CD207: variants seen among roughly 807,000 people sequenced by gnomAD.
CD207 encodes the protein CD207 molecule, also known as C-type lectin domain family 4 member K.
Under a neutral mutation model 31.6 loss-of-function variants are expected in CD207, and 28 were observed. That is an observed-to-expected ratio of 0.89 (90% CI 0.66 to 1.21). The LOEUF (loss-of-function observed/expected upper bound fraction) is 1.21, where lower values mean the gene tolerates loss of function less well. Among genes scored for constraint, CD207 ranks in the 50% most tolerant of loss-of-function variants. The pLI is 0.00. For missense variants in CD207, 388 were observed against 397.8 expected, an observed-to-expected ratio of 0.98 and a Z score of 0.21; for synonymous variants, 168 against 153.9, an observed-to-expected ratio of 1.09 and a Z score of -0.68.
chr2:70,832,100 A>T, intron 4 of CD207, among the ~76,000 whole-genome samples: 1 of 152,362 alleles, frequency 6.6e-6, no homozygotes, highest in African/African-American at 2.4e-5. Context: ...ACTCCAGAGC[A>T]CGGACCGCAA....
chr2:70,832,749 G>C (rs782073024), intron 4 of CD207, 151 bp downstream of exon 4: 1 of 714,924 alleles, frequency 1.4e-6, no homozygotes, highest in African/African-American at 1.8e-5. Flanking sequence ...CCCCCTTGCC[G>C]GCCCTTATTC....
chr2:70,829,373 G>A (rs923403701), downstream of CD207, among the ~76,000 whole-genome samples: 6 of 152,238 alleles, frequency 3.9e-5, no homozygotes, highest in South Asian at 2.1e-4. Flanking sequence ...GGCCACATGG[G>A]GTCACCCTCA....
chr2:70,833,910 C>G lies in CD207; in HGVS notation c.301G>C (p.Gly101Arg), dbSNP rs368522644. 6.3e-7 allele frequency: 1 copy of G among 1,597,698 alleles called. No homozygotes were observed. The highest frequency in any genetic ancestry group is 1.1e-5 in the South Asian group (1 of 88,780). ...ATCTGAACGCCAGCTGCCTCCATGC[C>G]GTCACTATTCTTTTTAATTTCAGAA... ...LDSEIKKNSDGMEAAGVQIQM... is the reference protein window; with the variant it reads ...LDSEIKKNSDRMEAAGVQIQM... The change falls in exon 3 of 6, where the codon GGC (glycine) becomes CGC (arginine). Residue 101 changes from glycine (G) to arginine (R), a missense_variant. By Grantham distance (125) the Gly-to-Arg change is moderately radical. Transcript: ENST00000410009.
At chr2:70,835,392 C>A (rs969233044) in intron 2 of CD207, 99 bp downstream of exon 2, 4 of 812,552 alleles carry the variant, frequency 4.9e-6, no homozygotes, top group South Asian at 4.3e-5. Context: ...AAGCCACAGG[C>A]AGGAGAAACC....
intron 2 of CD207, among the ~76,000 whole-genome samples, chr2:70,835,215 G>T (rs1159768882): frequency 6.6e-6 from 1 of 152,216 alleles, no homozygotes; most frequent in Non-Finnish European, 1.5e-5. Context: ...TGTAAAACTA[G>T]ATCAATGTTT....
At chr2:70,834,909 G>A (rs1452219356) in intron 2 of CD207, among the ~76,000 whole-genome samples, 3 of 152,228 alleles carry the variant, frequency 2.0e-5, no homozygotes, top group Non-Finnish European at 2.9e-5. Flanking sequence ...AGAAAAGGAA[G>A]AAAGATAAAC....
At position 70,833,017 on chromosome 2, in the gene CD207, C is replaced by T; in HGVS notation, c.600G>A (p.Lys200=). Residue 200 remains lysine (K), a synonymous_variant, in exon 4 of 6, where the codon AAG becomes AAA. Coordinates refer to ENST00000410009, the MANE Select transcript of CD207 (RefSeq NM_015717.5). The stretch of plus-strand genomic sequence containing the variant: ...AGTAATAGAAGTTCCCCTTGAAGTA[C>T]TTCCAGCCTTGAGAAACCACCTGTA... ...DILQVVSQGW[K]YFKGNFYYFS... The T allele has an allele frequency of 6.2e-7, 1 of 1,613,932 alleles. No homozygotes were observed. Among genetic ancestry groups the T allele is most frequent in the Non-Finnish European group, 8.5e-7 (1 of 1,179,806 alleles).
At chr2:70,832,061 G>A (rs1408914355) in intron 4 of CD207, among the ~76,000 whole-genome samples, 1 of 152,212 alleles carries the variant, frequency 6.6e-6, no homozygotes, top group African/African-American at 2.4e-5. Context: ...CAGGAAGCAG[G>A]TGCTGAAGCA....
downstream of CD207, among the ~76,000 whole-genome samples, chr2:70,826,880 A>G (rs563019843): frequency 3.3e-5 from 5 of 152,354 alleles, no homozygotes; most frequent in African/African-American, 1.2e-4. Context: ...CAAATGTAAC[A>G]AATCATTTGT....
At position 70,831,051 on chromosome 2, in the gene CD207, C is replaced by G; in HGVS notation, c.986G>C (p.Ter329SerextTer29). 1 of 1,613,114 alleles carries G rather than the reference C, an allele frequency of 6.2e-7. No individual in the cohort carries two copies. Among genetic ancestry groups the G allele is most frequent in the Non-Finnish European group, 8.5e-7 (1 of 1,179,522 alleles). Residue 329 changes from the stop codon to serine, a stop_lost, in exon 6 of 6, where the codon TGA becomes TCA. Coordinates refer to ENST00000410009, the MANE Select transcript of CD207 (RefSeq NM_015717.5). ...CKRPYVPSEP* is the reference protein window; with the variant it reads ...CKRPYVPSEPS ...GAGTGAGCTTGGGAGCCTGTCCTGT[C>G]ACGGTTCTGATGGGACATAGGGTCG...
intron 4 of CD207, among the ~76,000 whole-genome samples, chr2:70,832,233 T>C (rs1311632467): frequency 6.6e-6 from 1 of 152,184 alleles, no homozygotes; most frequent in African/African-American, 2.4e-5. Flanking sequence ...CCATGCATGT[T>C]TCATCAAGTG....
downstream of CD207, among the ~76,000 whole-genome samples, chr2:70,826,904 C>T (rs1321379140): frequency 6.6e-6 from 1 of 152,196 alleles, no homozygotes; most frequent in Non-Finnish European, 1.5e-5. Context: ...GCTTCTTCAA[C>T]ACTAAGTAAA....
downstream of CD207, among the ~76,000 whole-genome samples, chr2:70,826,568 G>A (rs768534786): frequency 9.2e-5 from 14 of 152,028 alleles, no homozygotes; most frequent in Admixed American, 3.3e-4. Flanking sequence ...TTGTGGAGAC[G>A]GGGTCCCACT....
At chr2:70,824,350 A>C in the CD207 span, among the ~76,000 whole-genome samples, 3 of 152,002 alleles carry the variant, frequency 2.0e-5, no homozygotes, top group Non-Finnish European at 4.4e-5. Flanking sequence ...CCCCCTCTCA[A>C]GTCCTGTCAC....
chr2:70,829,609 G>C (rs1548892), downstream of CD207, among the ~76,000 whole-genome samples: 106,650 of 152,038 alleles, frequency 0.7, 37,506 homozygotes, highest in Middle Eastern at 0.76. Context: ...TCTGGTGAGA[G>C]GCAGGGAACT....
rs1553400472 is a variant in CD207 at position 70,833,998 on chromosome 2, T to C, written c.213A>G (p.Ile71Met). ...AVLYPRFMGT[I>M]SDVKTNVQLL... ...ACTGGACATTGGTCTTTACATCTGA[T>C]ATGGTGCCCATAAACCGGGGATCTG... Residue 71 changes from isoleucine to methionine, a missense_variant, in exon 3 of 6, where the codon ATA (isoleucine) becomes ATG (methionine). By Grantham distance (10) the Ile-to-Met change is conservative (BLOSUM62 1). Coordinates refer to ENST00000410009, the MANE Select transcript of CD207 (RefSeq NM_015717.5). 2 of 1,513,676 alleles carry C rather than the reference T, an allele frequency of 1.3e-6. No homozygotes were observed. Among genetic ancestry groups the C allele is most frequent in the Admixed American group, 2.2e-5 (1 of 45,500 alleles). 93.8% of individuals were successfully genotyped at this position (1,513,676 alleles called of 1,614,324 possible).
Position 70,831,247 on chromosome 2 carries a change from A to T in CD207, c.837-47T>A, listed in dbSNP as rs72909902. 4,731 of 1,569,544 alleles carry T rather than the reference A, an allele frequency of 3.0e-3. 116 individuals carry two copies. In the African/African-American group the frequency reaches 0.057, roughly 19 times the overall value. ...ATGGATTTACAAAGTGGAAAATCAA[A>T]AAGAACTTATTTCCAGTGAAGAAAT... is the stretch of plus-strand genomic sequence containing the variant. On this transcript the variant is annotated intron_variant, in intron 5 of 5. Coordinates refer to ENST00000410009, the MANE Select transcript of CD207 (RefSeq NM_015717.5).
chr2:70,825,778 T>A (rs1677329147), downstream of CD207, among the ~76,000 whole-genome samples: 1 of 152,036 alleles, frequency 6.6e-6, no homozygotes, highest in Non-Finnish European at 1.5e-5. Context: ...TGTGATCAAG[T>A]GATTCTCCTT....
chr2:70,834,566 GATTACAA>G (rs1677559660), intron 2 of CD207, among the ~76,000 whole-genome samples: 1 of 152,184 alleles, frequency 6.6e-6, no homozygotes, highest in East Asian at 1.9e-4. Context: ...TGGAAGAGGA[GATTACAA>G]AACTGTTTCT....
Sources: gnomAD v4.1 joint callset for allele counts (sites outside exome capture counted in the v4.1 genomes callset) on GRCh38, gnomAD v4.1.1 for gene constraint, MANE v1.5 for transcripts, NCBI Gene and HGNC (gene_info 2026-07-23, HGNC 2026-07-21) for gene names.